Variants in SUPT3H observed in about 807,000 individuals in gnomAD.
SUPT3H encodes the protein SPT3 homolog, SAGA and STAGA complex component.
SUPT3H carries 44 observed loss-of-function variants against 44.3 expected under a neutral mutation model. The observed-to-expected ratio is 0.99, with a 90% CI of 0.78 to 1.28. The LOEUF (loss-of-function observed/expected upper bound fraction) is 1.28, where lower values mean the gene tolerates loss of function less well. Among genes scored for constraint, SUPT3H ranks in the 50% most tolerant of loss-of-function variants. The pLI is 0.00. For missense variants in SUPT3H, 380 were observed against 387.1 expected (o/e 0.98, Z 0.15); for synonymous variants, 124 against 125.6 (o/e 0.99, Z 0.09).
At chr6:45,210,348 C>G (rs1763889573) in intron 2 of SUPT3H, among the ~76,000 whole-genome samples, 1 of 152,146 alleles carries the variant, frequency 6.6e-6, no homozygotes. Flanking sequence ...AAATGCATAT[C>G]TGATTGCTTT....
chr6:44,944,727 A>C, intron 9 of SUPT3H, among the ~76,000 whole-genome samples: 1 of 126,338 alleles, frequency 7.9e-6, no homozygotes, highest in East Asian at 2.7e-4. Flanking sequence ...ATGCTACTGT[A>C]CTCCAGCCTG....
chr6:44,939,650 T>C (rs1772080398), intron 9 of SUPT3H, among the ~76,000 whole-genome samples: 1 of 152,060 alleles, frequency 6.6e-6, no homozygotes, highest in African/African-American at 2.4e-5. Context: ...TAATTCTTCT[T>C]TGTACACATT....
chr6:44,960,499 C>G (rs1276588826), intron 7 of SUPT3H, among the ~76,000 whole-genome samples: 1 of 151,128 alleles, frequency 6.6e-6, no homozygotes, highest in African/African-American at 2.4e-5. Flanking sequence ...AACTGAAAAT[C>G]TGATTTTCAA....
At chr6:44,963,607 C>A (rs1417760617) in intron 6 of SUPT3H, among the ~76,000 whole-genome samples, 1 of 152,086 alleles carries the variant, frequency 6.6e-6, no homozygotes, top group South Asian at 2.1e-4. Context: ...CTAGTTTTAG[C>A]CCTCTTTTTA....
intron 2 of SUPT3H, among the ~76,000 whole-genome samples, chr6:45,268,991 G>A (rs1377280002): frequency 6.6e-6 from 1 of 152,114 alleles, no homozygotes; most frequent in Non-Finnish European, 1.5e-5. Context: ...ATGAAAGAGA[G>A]ACATGAACAT....
chr6:45,257,530 T>TA (rs1773607101), intron 2 of SUPT3H, among the ~76,000 whole-genome samples: 1 of 152,202 alleles, frequency 6.6e-6, no homozygotes, highest in Non-Finnish European at 1.5e-5. Context: ...CAATTACTGA[T>TA]AAGAAGAATA....
At chr6:45,115,152 CA>C (rs913120034) in intron 2 of SUPT3H, among the ~76,000 whole-genome samples, 20 of 152,148 alleles carry the variant, frequency 1.3e-4, no homozygotes, top group African/African-American at 4.8e-4. Flanking sequence ...GTAAAGCATG[CA>C]AACAGGAAAG....
At chr6:45,236,585 T>A (rs947720606) in intron 2 of SUPT3H, among the ~76,000 whole-genome samples, 1 of 151,984 alleles carries the variant, frequency 6.6e-6, no homozygotes, top group African/African-American at 2.4e-5. Flanking sequence ...ACCCTCCAGA[T>A]CTTTCTTTTC....
At chr6:45,286,583 G>C (rs902692996) in intron 2 of SUPT3H, among the ~76,000 whole-genome samples, 14 of 152,048 alleles carry the variant, frequency 9.2e-5, no homozygotes, top group African/African-American at 2.7e-4. Context: ...ATTAAAAACT[G>C]AGGAAACAAC....
chr6:45,028,131 T>C (rs1033749020), intron 3 of SUPT3H, among the ~76,000 whole-genome samples: 2 of 152,224 alleles, frequency 1.3e-5, no homozygotes, highest in Non-Finnish European at 2.9e-5. Flanking sequence ...GTTTTTTGTT[T>C]TGTTTGTTTT....
intron 10 of SUPT3H, among the ~76,000 whole-genome samples, chr6:44,885,062 A>G (rs1778927915): frequency 6.6e-6 from 1 of 152,120 alleles, no homozygotes; most frequent in Non-Finnish European, 1.5e-5. Context: ...GAGGCTGGGG[A>G]AGGGGCACCC....
At chr6:45,195,182 G>C (rs1815809184) in intron 2 of SUPT3H, among the ~76,000 whole-genome samples, 1 of 152,122 alleles carries the variant, frequency 6.6e-6, no homozygotes, top group Admixed American at 6.6e-5. Flanking sequence ...ATGGCCAAGT[G>C]ATGCTATGAT....
At chr6:44,996,145 G>C (rs1204875901) in intron 6 of SUPT3H, among the ~76,000 whole-genome samples, 3 of 151,656 alleles carry the variant, frequency 2.0e-5, no homozygotes, top group African/African-American at 7.3e-5. Flanking sequence ...TGCTTCTAAT[G>C]CTTCTAACTG....
chr6:44,961,398 C>T (rs926705638), intron 7 of SUPT3H, among the ~76,000 whole-genome samples: 8 of 151,948 alleles, frequency 5.3e-5, no homozygotes, highest in South Asian at 2.1e-4. Flanking sequence ...GAGTCCATTA[C>T]GGATCAAATG....
chr6:45,071,635 A>G (rs977891240), intron 3 of SUPT3H, among the ~76,000 whole-genome samples: 1 of 152,172 alleles, frequency 6.6e-6, no homozygotes, highest in Non-Finnish European at 1.5e-5. Context: ...CCCAGTTATT[A>G]GGGTGCACTC....
intron 2 of SUPT3H, among the ~76,000 whole-genome samples, chr6:45,336,366 A>G (rs1033313956): frequency 2.0e-5 from 3 of 151,442 alleles, no homozygotes; most frequent in African/African-American, 7.2e-5. Flanking sequence ...CAATAGGACT[A>G]GAGAAAACAC....
intron 2 of SUPT3H, among the ~76,000 whole-genome samples, chr6:45,235,456 C>T (rs1768911904): frequency 6.6e-6 from 1 of 151,642 alleles, no homozygotes; most frequent in African/African-American, 2.4e-5. Flanking sequence ...TCCTTAGAAA[C>T]AGAAAAATGT....
rs34384511 is a variant in SUPT3H at position 44,910,994 on chromosome 6, C to CAAA, written c.912+21656_912+21658dup. Among the ~76,000 whole-genome samples, 23 of 62,694 alleles carry CAAA rather than the reference C, an allele frequency of 3.7e-4. 2 individuals are homozygous for CAAA. The highest frequency in any genetic ancestry group is 6.7e-4 in the East Asian group (1 of 1,502). 41.1% of individuals were successfully genotyped at this position (62,694 alleles called of 152,430 possible). A position where few individuals can be genotyped will look rare whatever the true frequency, so the allele number is the denominator to read the frequency against. On this transcript the variant is annotated intron_variant, in intron 10 of 10. Transcript: ENST00000371459. ...TGGGCAACAGAGTGAGACTCCATCT[C>CAAA]AAAAAAAAAAAAAAAAAAAAAAAAA...
At chr6:44,954,743 T>C in intron 7 of SUPT3H, 136 bp from the exon 8 acceptor site, 1 of 622,034 alleles carries the variant, frequency 1.6e-6, no homozygotes, top group Non-Finnish European at 2.8e-6. Context: ...GCATAATTAA[T>C]GTCTAGATAT....
Sources: gnomAD v4.1 joint callset for allele counts (sites outside exome capture counted in the v4.1 genomes callset) on GRCh38, gnomAD v4.1.1 for gene constraint, MANE v1.5 for transcripts, NCBI Gene and HGNC (gene_info 2026-07-23, HGNC 2026-07-21) for gene names.